The following ADARB2 variants were observed in gnomAD, a reference collection of about 807,000 sequenced individuals.
ADARB2 encodes the protein adenosine deaminase RNA specific B2 (inactive).
Under a neutral mutation model 62.2 loss-of-function variants are expected in ADARB2, and 25 were observed. The observed-to-expected ratio is 0.40, with a 90% CI of 0.29 to 0.56. The LOEUF (loss-of-function observed/expected upper bound fraction) is 0.56. Ranked by LOEUF, ADARB2 falls within the 20% of genes least tolerant of loss-of-function variation. ADARB2 has a pLI of 0.43. For missense variants in ADARB2, 1,071 were observed against 1,077.4 expected (o/e 0.99, Z 0.08); for synonymous variants, 572 against 500.8 (o/e 1.14, Z -1.90).
chr10:1,524,523 G>A (rs1443866131), intron 1 of ADARB2, among the ~76,000 whole-genome samples: 1 of 152,172 alleles, frequency 6.6e-6, no homozygotes, highest in Non-Finnish European at 1.5e-5. Flanking sequence ...CTTTTCCTGA[G>A]CCCAAGTTCT....
intron 1 of ADARB2, among the ~76,000 whole-genome samples, chr10:1,625,248 C>T (rs1394854521): frequency 6.6e-6 from 1 of 152,204 alleles, no homozygotes; most frequent in Non-Finnish European, 1.5e-5. Context: ...TGAGTCCAGG[C>T]CTGTGCGGAG....
chr10:1,642,066 T>G (rs971537414), intron 1 of ADARB2, among the ~76,000 whole-genome samples: 21 of 152,220 alleles, frequency 1.4e-4, no homozygotes, highest in African/African-American at 5.1e-4. Flanking sequence ...AGTGCAAATA[T>G]TTGACATTTA....
intron 3 of ADARB2, among the ~76,000 whole-genome samples, chr10:1,312,203 G>A (rs952536095): frequency 2.0e-5 from 3 of 152,208 alleles, no homozygotes; most frequent in Non-Finnish European, 2.9e-5. Flanking sequence ...TGGAGCATGC[G>A]AACCTTGGTG....
intron 8 of ADARB2, 84 bp from the exon 9 acceptor site, chr10:1,185,123 G>T: frequency 1.4e-6 from 2 of 1,471,004 alleles, no homozygotes; most frequent in Non-Finnish European, 1.8e-6. Context: ...GGGAAATGGA[G>T]CCTGTATGTG....
chr10:1,492,930 T>G (rs1425093230), intron 1 of ADARB2, among the ~76,000 whole-genome samples: 1 of 152,188 alleles, frequency 6.6e-6, no homozygotes, highest in Non-Finnish European at 1.5e-5. Context: ...CAGGCCTTGA[T>G]GCCAGCATCT....
At chr10:1,408,632 G>T (rs527399592) in intron 1 of ADARB2, among the ~76,000 whole-genome samples, 1 of 152,072 alleles carries the variant, frequency 6.6e-6, no homozygotes, top group African/African-American at 2.4e-5. Flanking sequence ...CTTGCTGCCC[G>T]TCGGAAACCA....
At chr10:1,267,443 GA>G (rs906287543) in intron 4 of ADARB2, among the ~76,000 whole-genome samples, 2 of 152,190 alleles carry the variant, frequency 1.3e-5, no homozygotes, top group Middle Eastern at 3.2e-3. Context: ...AATGATTCCG[GA>G]GATGGTGTCC....
intron 1 of ADARB2, among the ~76,000 whole-genome samples, chr10:1,649,173 C>A (rs1033252935): frequency 6.6e-6 from 1 of 152,018 alleles, no homozygotes; most frequent in Non-Finnish European, 1.5e-5. Context: ...TTGGATCAGC[C>A]TAATTTGCTT....
intron 3 of ADARB2, among the ~76,000 whole-genome samples, chr10:1,348,756 AGGAT>A (rs1262490003): frequency 1.3e-5 from 2 of 152,182 alleles, no homozygotes; most frequent in African/African-American, 4.8e-5. Flanking sequence ...AGACTGTGTG[AGGAT>A]GGCCGGGCTG....
chr10:1,722,406 A>T (rs185388074), intron 1 of ADARB2, among the ~76,000 whole-genome samples: 178 of 152,346 alleles, frequency 1.2e-3, no homozygotes, highest in Non-Finnish European at 1.6e-3. Context: ...TTAATCTAAG[A>T]AGTGACTTCT....
intron 1 of ADARB2, among the ~76,000 whole-genome samples, chr10:1,655,771 G>A (rs1834166361): frequency 6.6e-6 from 1 of 152,208 alleles, no homozygotes; most frequent in Non-Finnish European, 1.5e-5. Flanking sequence ...CCCTTTTGAT[G>A]TGTCAGTACT....
At chr10:1,695,106 CGCATCT>C (rs1834722847) in intron 1 of ADARB2, among the ~76,000 whole-genome samples, 1 of 152,152 alleles carries the variant, frequency 6.6e-6, no homozygotes, top group Non-Finnish European at 1.5e-5. Flanking sequence ...CTGAAAACAG[CGCATCT>C]GTTCAGCAGA....
intron 1 of ADARB2, among the ~76,000 whole-genome samples, chr10:1,690,131 C>T (rs1834650337): frequency 6.6e-6 from 1 of 152,162 alleles, no homozygotes. Flanking sequence ...TATAAAAAAG[C>T]CAAGTGAAAT....
intron 1 of ADARB2, among the ~76,000 whole-genome samples, chr10:1,709,396 C>CA (rs1433644715): frequency 2.0e-4 from 30 of 152,270 alleles, no homozygotes; most frequent in Admixed American, 1.3e-3. Context: ...AGAAAGAATC[C>CA]ATCTGTTTTC....
intron 1 of ADARB2, among the ~76,000 whole-genome samples, chr10:1,517,728 A>T (rs1053116654): frequency 2.0e-5 from 3 of 152,272 alleles, no homozygotes; most frequent in Non-Finnish European, 2.9e-5. Flanking sequence ...GTCCATTTTC[A>T]TGAAGAATCC....
chr10:1,382,114 TTTTA>T (rs1320753806), intron 1 of ADARB2, among the ~76,000 whole-genome samples: 4 of 152,146 alleles, frequency 2.6e-5, no homozygotes, highest in Admixed American at 1.3e-4. Context: ...TATATTCAAC[TTTTA>T]TTTGTCAAAT....
chr10:1,334,710 A>G (rs1273495214), intron 3 of ADARB2, among the ~76,000 whole-genome samples: 1 of 151,214 alleles, frequency 6.6e-6, no homozygotes, highest in Non-Finnish European at 1.5e-5. Context: ...ATATTTGTAT[A>G]GAGTTAAAAT....
chr10:1,331,470 C>A (rs895658224), intron 3 of ADARB2, among the ~76,000 whole-genome samples: 11 of 152,154 alleles, frequency 7.2e-5, no homozygotes, highest in African/African-American at 2.4e-4. Flanking sequence ...CTAAAGACAC[C>A]AAACTTAGAG....
At chr10:1,333,252 T>C (rs1302358829) in intron 3 of ADARB2, among the ~76,000 whole-genome samples, 1 of 152,224 alleles carries the variant, frequency 6.6e-6, no homozygotes, top group Non-Finnish European at 1.5e-5. Context: ...TGTTACACAA[T>C]CTTTAGGCAC....
Sources: allele counts gnomAD v4.1 joint callset (sites outside exome capture counted in the v4.1 genomes callset), GRCh38; gene constraint gnomAD v4.1.1; transcripts MANE v1.5; gene names NCBI Gene and HGNC (gene_info 2026-07-23, HGNC 2026-07-21).